PCDHGB5: variants seen among roughly 807,000 people sequenced by gnomAD.
PCDHGB5 encodes the protein protocadherin gamma-B5.
In PCDHGB5, 48 loss-of-function variants were observed where a neutral mutation model predicts 62.9. The ratio of observed to expected loss-of-function variants is 0.76; its 90% CI spans 0.61 to 0.97. The LOEUF is 0.97. Among genes scored for constraint, PCDHGB5 ranks in the 50% least tolerant of loss-of-function variants. The pLI, the probability that PCDHGB5 is intolerant of heterozygous loss-of-function variation, is 0.00. For synonymous variants in PCDHGB5, 474 were observed against 511.2 expected (o/e 0.93, Z 0.98); for missense variants, 1,118 against 1,198.6 (o/e 0.93, Z 0.99).
chr5:141,474,358 C>A (rs189724264), intron 1 of PCDHGB5, among the ~76,000 whole-genome samples: 30 of 152,290 alleles, frequency 2.0e-4, no homozygotes, highest in African/African-American at 6.5e-4. Context: ...AGTCATGTCT[C>A]AGTAGGTCTA....
At chr5:141,421,638 C>G (rs775131295) in intron 1 of PCDHGB5, 2 of 1,613,770 alleles carry the variant, frequency 1.2e-6, no homozygotes, top group South Asian at 1.1e-5. Context: ...TCCAGGAGGA[C>G]GAAGTGGAGA....
At chr5:141,446,102 A>C (rs751362645) in intron 1 of PCDHGB5, among the ~76,000 whole-genome samples, 1 of 152,214 alleles carries the variant, frequency 6.6e-6, no homozygotes, top group Non-Finnish European at 1.5e-5. Context: ...TGAATTATAG[A>C]TATATTTAGG....
chr5:141,419,645 G>T, intron 1 of PCDHGB5: 1 of 1,612,478 alleles, frequency 6.2e-7, no homozygotes, highest in African/African-American at 1.3e-5. Context: ...GGCCGTGGAC[G>T]CGGACTCGGG....
chr5:141,511,428 G>T lies in PCDHGB5; in HGVS notation c.*255G>T. 1 of 769,024 alleles carries T rather than the reference G, an allele frequency of 1.3e-6. No homozygotes were observed. The highest frequency in any genetic ancestry group is 2.0e-6 in the Non-Finnish European group (1 of 504,448). 47.6% of individuals were successfully genotyped at this position (769,024 alleles called of 1,614,324 possible). ...ACTGCTGTACCCATGGGGGTAGTGG[G>T]GTTACTGTAGACACCAAGAACCATT... On this transcript the variant is annotated 3_prime_UTR_variant, in exon 4 of 4. Transcript: ENST00000617380.
chr5:141,450,264 C>T (rs1395960399), intron 1 of PCDHGB5, among the ~76,000 whole-genome samples: 1 of 152,112 alleles, frequency 6.6e-6, no homozygotes, highest in Non-Finnish European at 1.5e-5. Flanking sequence ...GTGATCTGCC[C>T]ACCTCAGCTA....
intron 3 of PCDHGB5, among the ~76,000 whole-genome samples, chr5:141,509,422 G>A (rs1181133903): frequency 3.3e-5 from 5 of 152,136 alleles, no homozygotes; most frequent in Non-Finnish European, 5.9e-5. Flanking sequence ...GCCCCAATGA[G>A]TCAAACTCTT....
Position 141,398,189 on chromosome 5 carries a change from T to A in PCDHGB5, c.62T>A (p.Leu21Gln), listed in dbSNP as rs926901002. ...AERLPVLFLF[L>Q]LSLFCPALCE... ...AGGCTGCCAGTGCTCTTTCTCTTCC[T>A]GCTGTCTTTGTTCTGCCCGGCGCTC... The change falls in exon 1 of 4, where the codon CTG (leucine) becomes CAG (glutamine). Residue 21 changes from leucine (L) to glutamine (Q), a missense_variant. By Grantham distance (113) the Leu-to-Gln change is moderately radical (BLOSUM62 -2). Transcript: ENST00000617380. 2.8e-5 allele frequency: 41 copies of A among 1,482,238 alleles called. No individual in the cohort carries two copies. Among genetic ancestry groups the A allele is most frequent in the Non-Finnish European group, 3.5e-5 (39 of 1,109,642 alleles). The allele number at this position is 1,482,238 out of a possible 1,614,324, so 91.8% of individuals were successfully genotyped here.
rs755182775 is a variant in PCDHGB5, at chr5:141,399,822, C to G, written c.1695C>G (p.Pro565=). 3.7e-6 allele frequency: 6 copies of G among 1,613,084 alleles called. No homozygotes were observed. The highest frequency in any genetic ancestry group is 2.2e-5 in the East Asian group (1 of 44,886). ...APRVLYPALG[P]DGSALFDMVP... Reference sequence around the variant, plus strand: ...GGGTGCTGTACCCCGCGCTGGGTCCCGACGGCTCTGCGCTCTTCGATATGG... The same window carrying G: ...GGGTGCTGTACCCCGCGCTGGGTCCGGACGGCTCTGCGCTCTTCGATATGG... Residue 565 remains proline, a synonymous_variant, in exon 1 of 4, where the codon CCC becomes CCG. Coordinates refer to ENST00000617380, the MANE Select transcript of PCDHGB5 (RefSeq NM_018925.3).
Position 141,485,495 on chromosome 5 carries a change from T to C in PCDHGB5, c.2398-9312T>C. 1 of 1,613,494 alleles carries C rather than the reference T, an allele frequency of 6.2e-7. No homozygotes were observed. Among genetic ancestry groups the C allele is most frequent in the African/African-American group, 1.3e-5 (1 of 74,780 alleles). On this transcript the variant is annotated intron_variant, in intron 1 of 3. Coordinates refer to ENST00000617380, the MANE Select transcript of PCDHGB5 (RefSeq NM_018925.3). This position sits in a 1 kb window ranked among gnomAD's most constrained non-coding sequence, Gnocchi z 5.7. ...TGCCAGCTGCATCGTGCCCCTGGAG[T>C]TTGTCACCGAAGGTCCTTTGGAAAT...
chr5:141,479,342 G>A (rs926832955), intron 1 of PCDHGB5: 1 of 152,486 alleles, frequency 6.6e-6, no homozygotes, highest in Admixed American at 6.5e-5. Flanking sequence ...TGCACCTGTA[G>A]TTCTTGCTGC....
At position 141,432,880 on chromosome 5, in the gene PCDHGB5, C is replaced by A. The variant is rs865848752; in HGVS notation, c.2397+32356C>A. 3 of 1,614,194 alleles carry A rather than the reference C, an allele frequency of 1.9e-6. No homozygotes were observed. The highest frequency in any genetic ancestry group is 2.5e-6 in the Non-Finnish European group (3 of 1,180,008). ...CGGTCTCCTGCGTCTTCCTGGCCTT[C>A]GTCATCTTGCTGCTGGCGCTCAGGC... On this transcript the variant is annotated intron_variant, in intron 1 of 3. Coordinates refer to ENST00000617380, the MANE Select transcript of PCDHGB5 (RefSeq NM_018925.3). The surrounding 1 kb of genome is among the most constrained non-coding windows in gnomAD (Gnocchi z 6.0).
chr5:141,400,310 G>C lies in PCDHGB5; in HGVS notation c.2183G>C (p.Cys728Ser). ...AAWSCFQPGLCVKSGPVVPPN... is the reference protein window; with the variant it reads ...AAWSCFQPGLSVKSGPVVPPN... ...TGGAGCTGCTTCCAACCTGGTCTCT[G>C]TGTCAAGTCTGGACCTGTGGTTCCC... The change falls in exon 1 of 4, where the codon TGT becomes TCT. Residue 728 changes from cysteine (C) to serine (S), a missense_variant. Physicochemically the swap from Cys to Ser is moderately radical, Grantham distance 112. Coordinates refer to ENST00000617380, the MANE Select transcript of PCDHGB5 (RefSeq NM_018925.3). 1 of 1,614,084 alleles carries C rather than the reference G, an allele frequency of 6.2e-7. No individual in the cohort carries two copies. The highest frequency in any genetic ancestry group is 1.3e-5 in the African/African-American group (1 of 75,070).
intron 1 of PCDHGB5, among the ~76,000 whole-genome samples, chr5:141,483,007 C>T (rs938404755): frequency 1.3e-5 from 2 of 152,022 alleles, no homozygotes; most frequent in Non-Finnish European, 2.9e-5. Flanking sequence ...ATTGCTTGAA[C>T]CCGGGAGGCA....
chr5:141,418,969 A>C, intron 1 of PCDHGB5: 1 of 1,614,028 alleles, frequency 6.2e-7, no homozygotes, highest in Non-Finnish European at 8.5e-7. Flanking sequence ...CCCTCTTCAA[A>C]ACACGGGACC....
chr5:141,474,210 A>G (rs1054533367), intron 1 of PCDHGB5, among the ~76,000 whole-genome samples: 3 of 152,230 alleles, frequency 2.0e-5, no homozygotes, highest in Non-Finnish European at 4.4e-5. Context: ...ATTTTCAAAA[A>G]CCAGATTGTG....
At chr5:141,414,117 A>T (rs764001135) in intron 1 of PCDHGB5, 2 of 1,592,602 alleles carry the variant, frequency 1.3e-6, no homozygotes, top group Non-Finnish European at 1.7e-6. Flanking sequence ...TAGATTATGA[A>T]GAAACCGGTT....
At chr5:141,428,100 G>A (rs1313410784) in intron 1 of PCDHGB5, 6 of 1,608,582 alleles carry the variant, frequency 3.7e-6, no homozygotes, top group East Asian at 2.2e-5. Context: ...GTCCTACCAC[G>A]TGCTGCAGGC....
At chr5:141,462,157 A>C (rs1232551906) in intron 1 of PCDHGB5, among the ~76,000 whole-genome samples, 1 of 151,394 alleles carries the variant, frequency 6.6e-6, no homozygotes, top group African/African-American at 2.4e-5. Flanking sequence ...ATGGGGTTTC[A>C]TCATGTTGGC....
chr5:141,443,708 T>G (rs2098400247), intron 1 of PCDHGB5, among the ~76,000 whole-genome samples: 1 of 152,192 alleles, frequency 6.6e-6, no homozygotes, highest in Non-Finnish European at 1.5e-5. Context: ...GAATAACATT[T>G]GCATATAAAA....
Sources: allele counts gnomAD v4.1 joint callset (sites outside exome capture counted in the v4.1 genomes callset), GRCh38; gene constraint gnomAD v4.1.1; non-coding constraint Gnocchi (gnomAD v3.1); transcripts MANE v1.5; gene names NCBI Gene and HGNC (gene_info 2026-07-23, HGNC 2026-07-21).